GBE1: variants seen among roughly 807,000 people sequenced by gnomAD.
GBE1 encodes 1,4-alpha-glucan branching enzyme 1, also known as 1,4-alpha-glucan-branching enzyme.
GBE1 carries 70 observed loss-of-function variants against 88.8 expected under a neutral mutation model. That is an observed-to-expected ratio of 0.79 (90% CI 0.65 to 0.96). GBE1 has a LOEUF of 0.96. Among genes scored for constraint, GBE1 ranks in the 40% least tolerant of loss-of-function variants. GBE1 has a pLI of 0.00. For synonymous variants in GBE1, 284 were observed against 300.1 expected, an observed-to-expected ratio of 0.95 and a Z score of 0.56; for missense variants, 872 against 871.0, an observed-to-expected ratio of 1.00 and a Z score of -0.01.
chr3:81,520,152 T>C (rs562897639), intron 14 of GBE1, among the ~76,000 whole-genome samples: 30 of 151,544 alleles, frequency 2.0e-4, no homozygotes, highest in South Asian at 8.3e-4. Context: ...TGGCCCAAAA[T>C]ACAGTCACAA....
chr3:81,758,228 T>A (rs905748620), intron 1 of GBE1, among the ~76,000 whole-genome samples: 17 of 152,242 alleles, frequency 1.1e-4, no homozygotes, highest in African/African-American at 4.1e-4. Context: ...GGTTTTGTTA[T>A]GAGGATTACA....
chr3:81,511,729 G>A (rs1398403295), intron 14 of GBE1, among the ~76,000 whole-genome samples: 2 of 151,996 alleles, frequency 1.3e-5, no homozygotes, highest in Non-Finnish European at 2.9e-5. Flanking sequence ...CTTATATACT[G>A]TTGGTGGGAA....
chr3:81,571,974 A>AAATCT (rs1703581662), intron 12 of GBE1, among the ~76,000 whole-genome samples: 1 of 152,214 alleles, frequency 6.6e-6, no homozygotes, highest in Admixed American at 6.5e-5. Context: ...GTCCCCACCC[A>AAATCT]AATCTCATCT....
chr3:81,569,321 G>A (rs1406346167), intron 12 of GBE1, among the ~76,000 whole-genome samples: 1 of 152,194 alleles, frequency 6.6e-6, no homozygotes, highest in Non-Finnish European at 1.5e-5. Flanking sequence ...TACAGGACAT[G>A]TAAACTGTGA....
intron 12 of GBE1, among the ~76,000 whole-genome samples, chr3:81,541,884 G>A (rs1021266809): frequency 2.6e-5 from 4 of 152,040 alleles, no homozygotes; most frequent in African/African-American, 9.7e-5. Context: ...TACATAGTAT[G>A]TGCTTAATAA....
intron 7 of GBE1, among the ~76,000 whole-genome samples, chr3:81,606,907 T>G (rs529192955): frequency 6.6e-6 from 1 of 152,350 alleles, no homozygotes; most frequent in Admixed American, 6.5e-5. Flanking sequence ...ATAATAAATC[T>G]ATGCTGTAGA....
intron 8 of GBE1, among the ~76,000 whole-genome samples, chr3:81,591,614 C>A (rs1039439360): frequency 6.6e-6 from 1 of 152,068 alleles, no homozygotes; most frequent in Non-Finnish European, 1.5e-5. Flanking sequence ...TTCAAACACA[C>A]ACTTCAATTT....
At chr3:81,702,652 G>A (rs1705716938) in intron 2 of GBE1, among the ~76,000 whole-genome samples, 2 of 151,874 alleles carry the variant, frequency 1.3e-5, no homozygotes, top group Non-Finnish European at 2.9e-5. Context: ...ACAAGGATAT[G>A]GAGAAATTTG....
chr3:81,497,031 T>A (rs1232046791), intron 15 of GBE1, among the ~76,000 whole-genome samples: 1 of 152,196 alleles, frequency 6.6e-6, no homozygotes, highest in African/African-American at 2.4e-5. Context: ...CTCTATGTAT[T>A]ACTGATACTT....
chr3:81,629,462 T>G (rs1331630852), intron 7 of GBE1, among the ~76,000 whole-genome samples: 2 of 152,132 alleles, frequency 1.3e-5, no homozygotes, highest in Admixed American at 1.3e-4. Flanking sequence ...TTAGTACTTT[T>G]CATAAAACAT....
chr3:81,747,546 T>C (rs564433716), intron 1 of GBE1, among the ~76,000 whole-genome samples: 1 of 152,280 alleles, frequency 6.6e-6, no homozygotes, highest in African/African-American at 2.4e-5. Flanking sequence ...CTGAGAGTGG[T>C]GGCACATGTC....
At chr3:81,612,938 AGAT>A (rs557295711) in intron 7 of GBE1, 84 of 391,268 alleles carry the variant, frequency 2.1e-4, no homozygotes, top group Non-Finnish European at 2.7e-4. Flanking sequence ...AAGGAGAAAA[AGAT>A]GATGATGATG....
At chr3:81,538,510 C>G (rs2106874339) in intron 12 of GBE1, among the ~76,000 whole-genome samples, 1 of 152,020 alleles carries the variant, frequency 6.6e-6, no homozygotes, top group Admixed American at 6.6e-5. Context: ...TAGCAGAGAG[C>G]CGACTTTATG....
chr3:81,612,220 T>TAAAAAAAAAAAAAA, intron 7 of GBE1: 1 of 240,398 alleles, frequency 4.2e-6, no homozygotes, highest in South Asian at 4.3e-5. Context: ...CACGCTCCTT[T>TAAAAAAAAAAAAAA]AAAAAAAAAA....
At chr3:81,662,243 G>A (rs1705042654) in intron 3 of GBE1, among the ~76,000 whole-genome samples, 1 of 152,088 alleles carries the variant, frequency 6.6e-6, no homozygotes, top group African/African-American at 2.4e-5. Context: ...TGTTGGTCAG[G>A]CTGATCTCAA....
At chr3:81,589,373 A>T (rs1703844519) in intron 9 of GBE1, among the ~76,000 whole-genome samples, 1 of 151,748 alleles carries the variant, frequency 6.6e-6, no homozygotes, top group Admixed American at 6.6e-5. Flanking sequence ...GTTCAAATAC[A>T]TTCCTTTTCT....
intron 14 of GBE1, among the ~76,000 whole-genome samples, chr3:81,505,278 C>T (rs1342764494): frequency 6.6e-6 from 1 of 151,958 alleles, no homozygotes; most frequent in African/African-American, 2.4e-5. Flanking sequence ...GAATTTATAC[C>T]GAAGGCAGAA....
At chr3:81,511,714 G>A (rs1559629144) in intron 14 of GBE1, among the ~76,000 whole-genome samples, 1 of 151,928 alleles carries the variant, frequency 6.6e-6, no homozygotes, top group Non-Finnish European at 1.5e-5. Flanking sequence ...AGAGAAAAGG[G>A]AACACTTATA....
At chr3:81,495,261 C>A (rs1050157422) in intron 15 of GBE1, among the ~76,000 whole-genome samples, 1 of 151,976 alleles carries the variant, frequency 6.6e-6, no homozygotes, top group African/African-American at 2.4e-5. Context: ...TGGTGGTGTG[C>A]GGCTGTAATC....
Sources: gnomAD v4.1 joint callset for allele counts (sites outside exome capture counted in the v4.1 genomes callset) on GRCh38, gnomAD v4.1.1 for gene constraint, MANE v1.5 for transcripts, NCBI Gene and HGNC (gene_info 2026-07-23, HGNC 2026-07-21) for gene names.